RORB: variants seen among roughly 807,000 people sequenced by gnomAD.
RORB encodes RAR related orphan receptor B, also known as nuclear receptor ROR-beta.
RORB carries 6 observed loss-of-function variants against 59.1 expected under a neutral mutation model. That is an observed-to-expected ratio of 0.10 (90% confidence interval 0.06 to 0.20). RORB has a LOEUF of 0.20. Among genes scored for constraint, RORB ranks in the 10% least tolerant of loss-of-function variants. The pLI, the probability that RORB is intolerant of heterozygous loss-of-function variation, is 1.00. For missense variants in RORB, 320 were observed against 560.5 expected, an observed-to-expected ratio of 0.57 and a Z score of 4.33; for synonymous variants, 215 against 204.5, an observed-to-expected ratio of 1.05 and a Z score of -0.44.
intron 1 of RORB, among the ~76,000 whole-genome samples, chr9:74,587,013 A>G (rs1167545848): frequency 6.6e-6 from 1 of 152,222 alleles, no homozygotes; most frequent in Non-Finnish European, 1.5e-5. Context: ...GTACTGCCTT[A>G]CAGATCAGAT....
intron 3 of RORB, among the ~76,000 whole-genome samples, chr9:74,638,843 A>G (rs1823746295): frequency 6.6e-6 from 1 of 152,250 alleles, no homozygotes; most frequent in Admixed American, 6.5e-5. Flanking sequence ...AATTAATTAT[A>G]GAATAGTATT....
Position 74,642,487 on chromosome 9 carries a change from G to C in RORB, c.309G>C (p.Arg103=). The change falls in exon 4 of 10, where the codon CGG becomes CGC. Residue 103 remains arginine, a synonymous_variant. Coordinates refer to ENST00000376896, the MANE Select transcript of RORB (RefSeq NM_006914.4). ...LYAEVQKHQQ[R]LQEQRQQQSG... ...CTGAGGTGCAGAAGCACCAGCAGCG[G>C]CTGCAGGAACAGCGGCAGCAGCAGA... 6.2e-7 allele frequency: 1 copy of C among 1,614,238 alleles called. No homozygotes were observed.
chr9:74,616,316 A>G (rs1159206506), intron 1 of RORB, among the ~76,000 whole-genome samples: 1 of 152,188 alleles, frequency 6.6e-6, no homozygotes, highest in East Asian at 1.9e-4. Flanking sequence ...AAATATTAAA[A>G]TGAAAATTGA....
chr9:74,566,977 T>A (rs1230189334), intron 1 of RORB, among the ~76,000 whole-genome samples: 1 of 152,106 alleles, frequency 6.6e-6, no homozygotes, highest in African/African-American at 2.4e-5. Flanking sequence ...GGTTTTGGTT[T>A]TCCAAAAGCT....
At chr9:74,666,692 C>T (rs1402480499) in intron 7 of RORB, among the ~76,000 whole-genome samples, 3 of 152,172 alleles carry the variant, frequency 2.0e-5, no homozygotes, top group African/African-American at 4.8e-5. Context: ...ACTTGTTTCT[C>T]ACCCACAGAA....
At chr9:74,577,355 G>A (rs148269864) in intron 1 of RORB, among the ~76,000 whole-genome samples, 79 of 152,130 alleles carry the variant, frequency 5.2e-4, no homozygotes, top group Non-Finnish European at 1.0e-3. Context: ...ATAGTCAAGG[G>A]CTTTAATGCA....
At chr9:74,630,227 G>T (rs955109426) in intron 1 of RORB, 55 bp from the exon 2 acceptor site, 4 of 1,598,878 alleles carry the variant, frequency 2.5e-6, no homozygotes, top group Admixed American at 3.4e-5. Flanking sequence ...GATAGGAAGA[G>T]TGAAAGGAGA....
At position 74,549,547 on chromosome 9, in the gene RORB, GGGAAGGAAGGAAGGAAGGAAGGAAGGAA is replaced by G. The variant is rs1202590523; in HGVS notation, c.7+51598_7+51625del. On this transcript the variant is annotated intron_variant, in intron 1 of 9. Transcript: ENST00000376896. ...AGGGAGGGAGGGAGGGAGGGAGGGA[GGGAAGGAAGGAAGGAAGGAAGGAAGGAA>G]GGAAGGAAGGAAGGAAGGAAGGAAG... Among the ~76,000 whole-genome samples, 23 of 26,664 alleles carry G rather than the reference GGGAAGGAAGGAAGGAAGGAAGGAAGGAA, an allele frequency of 8.6e-4. 1 individual carries two copies. The highest frequency in any genetic ancestry group is 1.2e-3 in the Non-Finnish European group (18 of 14,956). 17.5% of individuals were successfully genotyped at this position (26,664 alleles called of 152,430 possible).
chr9:74,536,461 T>C (rs772504826), intron 1 of RORB, among the ~76,000 whole-genome samples: 5 of 152,092 alleles, frequency 3.3e-5, no homozygotes, highest in African/African-American at 4.8e-5. Context: ...TGTAAGTCCT[T>C]GGAAATACAT....
At chr9:74,614,904 G>A (rs1823287949) in intron 1 of RORB, among the ~76,000 whole-genome samples, 2 of 152,128 alleles carry the variant, frequency 1.3e-5, no homozygotes, top group Admixed American at 6.6e-5. Context: ...GGAGCACCAG[G>A]GCACACTGGG....
intron 5 of RORB, among the ~76,000 whole-genome samples, chr9:74,661,288 T>A (rs1010589028): frequency 2.6e-5 from 4 of 152,214 alleles, no homozygotes; most frequent in African/African-American, 9.6e-5. Flanking sequence ...TTTATTGTTG[T>A]TTTTCAGTAT....
chr9:74,650,023 A>C (rs1043990654), intron 4 of RORB, among the ~76,000 whole-genome samples: 2 of 152,178 alleles, frequency 1.3e-5, no homozygotes, highest in African/African-American at 2.4e-5. Flanking sequence ...ACCACCAACA[A>C]CAACAAAATC....
intron 4 of RORB, among the ~76,000 whole-genome samples, chr9:74,648,952 A>G (rs1823946673): frequency 6.6e-6 from 1 of 151,882 alleles, no homozygotes. Context: ...AAATATGTTC[A>G]TAAAATGAAG....
At chr9:74,552,941 A>G (rs1826635471) in intron 1 of RORB, among the ~76,000 whole-genome samples, 1 of 152,224 alleles carries the variant, frequency 6.6e-6, no homozygotes, top group Non-Finnish European at 1.5e-5. Flanking sequence ...AGAGCATTTC[A>G]GACAGGTGTT....
At chr9:74,505,327 A>T (rs1254246173) in intron 1 of RORB, among the ~76,000 whole-genome samples, 1 of 152,082 alleles carries the variant, frequency 6.6e-6, no homozygotes, top group African/African-American at 2.4e-5. Flanking sequence ...CCAAATTAAG[A>T]TATACTCTCA....
At chr9:74,660,820 C>T in intron 5 of RORB, 82 bp downstream of exon 5, 1 of 1,410,824 alleles carries the variant, frequency 7.1e-7, no homozygotes, top group Non-Finnish European at 9.6e-7. Context: ...TGGCATGTTG[C>T]ACTGGGCAAT....
intron 1 of RORB, among the ~76,000 whole-genome samples, chr9:74,568,742 G>T (rs554517366): frequency 6.6e-6 from 1 of 150,472 alleles, no homozygotes; most frequent in Non-Finnish European, 1.5e-5. Flanking sequence ...CTGGAAGTTT[G>T]TCTTTAAAAA....
rs1165232539 is a variant in RORB at position 74,522,731 on chromosome 9, G to A, written c.7+24748G>A. Among the ~76,000 whole-genome samples the A allele has an allele frequency of 2.6e-5, 4 of 151,884 alleles. No individual in the cohort carries two copies. In the East Asian group the frequency reaches 7.8e-4, roughly 30 times the overall value. On this transcript the variant is annotated intron_variant, in intron 1 of 9. Coordinates refer to ENST00000376896, the MANE Select transcript of RORB (RefSeq NM_006914.4). Reference sequence around the variant, plus strand: ...ACAACGTAAATCAGAATCTGTGTAGGTTATTCTTCACAAGGAACAACTTGT... The same window carrying A: ...ACAACGTAAATCAGAATCTGTGTAGATTATTCTTCACAAGGAACAACTTGT...
In RORB at chr9:74,612,029, T is replaced by C. The variant is rs527430803; in HGVS notation, c.8-18253T>C. Among the ~76,000 whole-genome samples, 7 of 152,254 alleles carry C rather than the reference T, an allele frequency of 4.6e-5. No homozygotes were observed. In the East Asian group the frequency reaches 1.4e-3, roughly 29 times the overall value. On this transcript the variant is annotated intron_variant, in intron 1 of 9. Transcript: ENST00000376896. ...GAGGGTTTTATGCCTAAGGAGCTTA[T>C]AGTCAAGGTGAAAGAGAAGCATATA...
Sources: gnomAD v4.1 joint callset for allele counts (sites outside exome capture counted in the v4.1 genomes callset) on GRCh38, gnomAD v4.1.1 for gene constraint, MANE v1.5 for transcripts, NCBI Gene and HGNC (gene_info 2026-07-23, HGNC 2026-07-21) for gene names.